GREM2: variants seen among roughly 807,000 people sequenced by gnomAD.
The protein encoded by GREM2 is gremlin 2, DAN family BMP antagonist, also known as gremlin-2.
A neutral mutation model predicts 14.2 loss-of-function variants in GREM2; 11 were observed. That is an observed-to-expected ratio of 0.78 (90% confidence interval 0.49 to 1.28). The LOEUF is 1.28. Ranked by LOEUF, GREM2 falls within the 50% of genes most tolerant of loss-of-function variation. GREM2 has a pLI of 0.00. For synonymous variants in GREM2, 98 were observed against 97.6 expected (o/e 1.00, Z -0.02); for missense variants, 210 against 218.5 (o/e 0.96, Z 0.24).
At chr1:240,547,532 T>TATAGATAG (rs1553275861) in intron 1 of GREM2, among the ~76,000 whole-genome samples, 2 of 121,874 alleles carry the variant, frequency 1.6e-5, no homozygotes, top group African/African-American at 7.4e-5. Context: ...TATATATATA[T>TATAGATAG]ATAGATAGAT....
intron 1 of GREM2, among the ~76,000 whole-genome samples, chr1:240,574,271 G>T (rs1558168309): frequency 6.6e-6 from 1 of 152,094 alleles, no homozygotes; most frequent in Non-Finnish European, 1.5e-5. Context: ...ATTTTAAAAC[G>T]ATCTCCCCAC....
intron 1 of GREM2, among the ~76,000 whole-genome samples, chr1:240,568,197 G>A (rs957150693): frequency 6.6e-6 from 1 of 152,158 alleles, no homozygotes; most frequent in Non-Finnish European, 1.5e-5. Flanking sequence ...ATGCCAGAAG[G>A]GATGAAATGA....
At chr1:240,567,012 TAA>T (rs1030257179) in intron 1 of GREM2, among the ~76,000 whole-genome samples, 14 of 152,210 alleles carry the variant, frequency 9.2e-5, no homozygotes, top group African/African-American at 3.4e-4. Context: ...ATGGAAAATA[TAA>T]AAAGTCTCAA....
Position 240,542,694 on chromosome 1 carries a change from A to AT in GREM2, c.-1-49219dup, listed in dbSNP as rs553970515. On this transcript the variant is annotated intron_variant, in intron 1 of 1. Transcript: ENST00000318160. The surrounding 1 kb of genome is among the most constrained non-coding windows in gnomAD (Gnocchi z 4.1). Reference sequence around the variant, plus strand: ...CTCAGAAGGCTTGATCACACTTTGGATTTTTTTTTCACTCAGTTTTGACAG... The same window carrying AT: ...CTCAGAAGGCTTGATCACACTTTGGATTTTTTTTTTCACTCAGTTTTGACAG... Among the ~76,000 whole-genome samples, 86 of 151,430 alleles carry AT rather than the reference A, an allele frequency of 5.7e-4. 1 individual carries two copies. In the South Asian group the frequency reaches 9.0e-3, roughly 16 times the overall value.
At chr1:240,551,309 G>A (rs781346247) in intron 1 of GREM2, among the ~76,000 whole-genome samples, 1 of 151,712 alleles carries the variant, frequency 6.6e-6, no homozygotes, top group African/African-American at 2.4e-5. Context: ...TGAAAACTAC[G>A]CATTTTCAGT....
intron 1 of GREM2, among the ~76,000 whole-genome samples, chr1:240,597,071 G>A (rs923625686): frequency 3.3e-5 from 5 of 152,144 alleles, no homozygotes; most frequent in African/African-American, 9.7e-5. Context: ...CTACTGTGGC[G>A]CATTCCCTTC....
chr1:240,595,817 C>T lies in GREM2; in HGVS notation c.-2+16067G>A, dbSNP rs945610638. On this transcript the variant is annotated intron_variant, in intron 1 of 1. Transcript: ENST00000318160. The stretch of plus-strand genomic sequence containing the variant: ...TAAATGAGACTGTGTTTATAAAACA[C>T]CTAATAATGTGTCCAGGTCTTAGTC... Among the ~76,000 whole-genome samples, 4 of 152,036 alleles carry T rather than the reference C, an allele frequency of 2.6e-5. No homozygotes were observed. The East Asian group carries it at 5.8e-4, about 22-fold the overall frequency.
At chr1:240,526,619 C>T (rs961013167) in intron 1 of GREM2, among the ~76,000 whole-genome samples, 2 of 152,186 alleles carry the variant, frequency 1.3e-5, no homozygotes, top group Non-Finnish European at 1.5e-5. Context: ...TATTACTGAT[C>T]TCCCAGGCAC....
Position 240,552,705 on chromosome 1 carries a change from C to G in GREM2, c.-2+59179G>C, listed in dbSNP as rs542684148. On this transcript the variant is annotated intron_variant, in intron 1 of 1. Coordinates refer to ENST00000318160, the MANE Select transcript of GREM2 (RefSeq NM_022469.4). Reference sequence around the variant, plus strand: ...GAGGCGAATGCAAGACTCAGCCTTTCTGAACCTCAGATTCATTAGGTATAA... The same window carrying G: ...GAGGCGAATGCAAGACTCAGCCTTTGTGAACCTCAGATTCATTAGGTATAA... Among the ~76,000 whole-genome samples the G allele has an allele frequency of 2.0e-5, 3 of 152,338 alleles. No individual in the cohort carries two copies. In the South Asian group the frequency reaches 6.2e-4, roughly 32 times the overall value.
At chr1:240,519,861 G>A (rs912588322) in intron 1 of GREM2, among the ~76,000 whole-genome samples, 2 of 152,086 alleles carry the variant, frequency 1.3e-5, no homozygotes. Flanking sequence ...TGGATGGATC[G>A]CCTGAGGTCG....
intron 1 of GREM2, among the ~76,000 whole-genome samples, chr1:240,544,568 C>G (rs6678501): frequency 0.13 from 20,155 of 152,218 alleles, 1,624 homozygotes; most frequent in African/African-American, 0.21. Flanking sequence ...AATGCTCCAA[C>G]TGTGTCTTCA....
At position 240,611,450 on chromosome 1, in the gene GREM2, G is replaced by T. The variant is rs531207038; in HGVS notation, c.-2+434C>A. 4.9e-4 allele frequency among the ~76,000 whole-genome samples: 74 copies of T among 152,260 alleles called. 1 individual carries two copies. The highest frequency in any genetic ancestry group is 1.8e-3 in the African/African-American group (73 of 41,554). ...CAAAACTCTGCCGAAGTCCGCTGTG[G>T]TTCCTATTCCTGTAGGGAGGATATT... is the stretch of plus-strand genomic sequence containing the variant. On this transcript the variant is annotated intron_variant, in intron 1 of 1. Transcript: ENST00000318160.
intron 1 of GREM2, among the ~76,000 whole-genome samples, chr1:240,605,933 CA>C (rs1450906709): frequency 2.0e-5 from 3 of 152,068 alleles, no homozygotes; most frequent in African/African-American, 4.8e-5. Context: ...TTTTTCATGA[CA>C]TTTTTATTTT....
intron 1 of GREM2, among the ~76,000 whole-genome samples, chr1:240,509,892 G>A (rs1461462931): frequency 6.6e-6 from 1 of 152,030 alleles, no homozygotes; most frequent in African/African-American, 2.4e-5. Context: ...GGGTAGTGAT[G>A]GGGTGTCAAG....
At chr1:240,524,129 G>A (rs1465696963) in intron 1 of GREM2, among the ~76,000 whole-genome samples, 4 of 152,080 alleles carry the variant, frequency 2.6e-5, no homozygotes, top group Non-Finnish European at 4.4e-5. Flanking sequence ...CAATCCTTCC[G>A]CCTCAGCATC....
intron 1 of GREM2, among the ~76,000 whole-genome samples, chr1:240,553,613 G>A (rs974962345): frequency 2.6e-5 from 4 of 152,150 alleles, no homozygotes; most frequent in African/African-American, 9.7e-5. Context: ...GCAGTGTGAG[G>A]TCTTAAGCTT....
intron 1 of GREM2, among the ~76,000 whole-genome samples, chr1:240,554,048 G>C (rs1473862528): frequency 6.6e-6 from 1 of 152,100 alleles, no homozygotes; most frequent in Admixed American, 6.5e-5. Context: ...GATGCTACCT[G>C]CATTAGGGTA....
chr1:240,533,627 A>C (rs1023534388), intron 1 of GREM2, among the ~76,000 whole-genome samples: 1 of 152,258 alleles, frequency 6.6e-6, no homozygotes, highest in African/African-American at 2.4e-5. Context: ...GGCATCTAGC[A>C]GTACACACAG....
chr1:240,513,028 A>C lies in GREM2; in HGVS notation c.-1-19552T>G, dbSNP rs116315208. Among the ~76,000 whole-genome samples, 650 of 152,310 alleles carry C rather than the reference A, an allele frequency of 4.3e-3. 2 individuals are homozygous for C. The highest frequency in any genetic ancestry group is 7.4e-3 in the Non-Finnish European group (503 of 68,040). Reference sequence around the variant, plus strand: ...AGAATTTACATTCTAGAGAGGATATACAGATAATACACTAGTAAATGTTAT... The same window carrying C: ...AGAATTTACATTCTAGAGAGGATATCCAGATAATACACTAGTAAATGTTAT... On this transcript the variant is annotated intron_variant, in intron 1 of 1. Transcript: ENST00000318160.
Sources: allele counts gnomAD v4.1 joint callset (sites outside exome capture counted in the v4.1 genomes callset), GRCh38; gene constraint gnomAD v4.1.1; non-coding constraint Gnocchi (gnomAD v3.1); transcripts MANE v1.5; gene names NCBI Gene and HGNC (gene_info 2026-07-23, HGNC 2026-07-21).